Variants in ZNF516 observed in about 807,000 individuals in gnomAD.
The protein encoded by ZNF516 is zinc finger protein 516.
In ZNF516, 19 loss-of-function variants were observed where a neutral mutation model predicts 79.7. The ratio of observed to expected loss-of-function variants is 0.24; its 90% CI spans 0.17 to 0.35. The LOEUF (loss-of-function observed/expected upper bound fraction) is 0.35. ZNF516 is among the 10% of genes least tolerant of loss of function. The pLI is 1.00. For synonymous variants in ZNF516, 877 were observed against 739.5 expected, an observed-to-expected ratio of 1.19 and a Z score of -3.02; for missense variants, 1,678 against 1,679.5, an observed-to-expected ratio of 1.00 and a Z score of 0.02.
At chr18:76,403,503 A>C (rs2075259455) in intron 3 of ZNF516, among the ~76,000 whole-genome samples, 1 of 152,208 alleles carries the variant, frequency 6.6e-6, no homozygotes, top group South Asian at 2.1e-4. Context: ...AGAGAATCGC[A>C]GTGTGGTCTG....
intron 3 of ZNF516, among the ~76,000 whole-genome samples, chr18:76,408,969 A>G (rs1468829766): frequency 2.6e-5 from 4 of 152,228 alleles, no homozygotes; most frequent in African/African-American, 9.6e-5. Flanking sequence ...AAAGATACGA[A>G]AAGTTAAATA....
At chr18:76,449,963 T>G (rs1221200070) in intron 2 of ZNF516, among the ~76,000 whole-genome samples, 1 of 152,204 alleles carries the variant, frequency 6.6e-6, no homozygotes, top group African/African-American at 2.4e-5. Context: ...TCAAACATAT[T>G]GTAGCTCCAG....
At position 76,379,180 on chromosome 18, in the gene ZNF516, G is replaced by C. The variant is rs1398441021; in HGVS notation, c.2934C>G (p.Phe978Leu). 1.2e-5 allele frequency: 20 copies of C among 1,612,820 alleles called. No homozygotes were observed. In the South Asian group the frequency reaches 2.2e-4, roughly 18 times the overall value. The change falls in exon 4 of 7, where the codon TTC (phenylalanine) becomes TTG (leucine). Residue 978 changes from phenylalanine (F) to leucine (L), a missense_variant. Around this residue, in one of 5 missense-constraint regions of ZNF516, gnomAD observed 1,294 missense variants for 1,248.3 expected, o/e 1.04. Transcript: ENST00000443185. ...GAGGTGGACCCTGAGGCTGAGCACT[G>C]AATTTGGCTTTCAGGGAGTCCGGGG... ...HSAPDSLKAKFSAQPQGPPPA... is the reference protein window; with the variant it reads ...HSAPDSLKAKLSAQPQGPPPA...
chr18:76,442,071 G>A lies in ZNF516; in HGVS notation c.984C>T (p.Val328=), dbSNP rs764634434. ...INNVVQEEVI[V]AGLSLYEVCA... ...AGACCTCGTAGAGGCTCAGGCCGGCGACGATCACCTCCTCCTGGACCACGT... is the reference window on the plus strand; with the variant it reads ...AGACCTCGTAGAGGCTCAGGCCGGCAACGATCACCTCCTCCTGGACCACGT... Residue 328 remains valine, a synonymous_variant, in exon 3 of 7, where the codon GTC becomes GTT. Transcript: ENST00000443185. The A allele has an allele frequency of 4.3e-6, 7 of 1,613,996 alleles. No individual in the cohort carries two copies. The highest frequency in any genetic ancestry group is 5.1e-6 in the Non-Finnish European group (6 of 1,179,894).
intron 3 of ZNF516, among the ~76,000 whole-genome samples, chr18:76,392,598 G>C (rs1239109176): frequency 1.4e-5 from 2 of 143,620 alleles, no homozygotes. Flanking sequence ...GGCCGGGTGG[G>C]GGAAGGGCAG....
At chr18:76,391,087 G>A (rs1487241899) in intron 3 of ZNF516, among the ~76,000 whole-genome samples, 3 of 152,152 alleles carry the variant, frequency 2.0e-5, no homozygotes, top group Non-Finnish European at 4.4e-5. Context: ...GGGGACACCA[G>A]GGGTCCACAG....
In ZNF516 at chr18:76,442,291, T is replaced by C; in HGVS notation, c.764A>G (p.Gln255Arg). 1.2e-6 allele frequency: 2 copies of C among 1,612,934 alleles called. No individual in the cohort carries two copies. Residue 255 changes from glutamine to arginine, a missense_variant, in exon 3 of 7, where the codon CAG (glutamine) becomes CGG (arginine). Gln to Arg is a conservative substitution (Grantham distance 43). Around this residue, in one of 5 missense-constraint regions of ZNF516, gnomAD observed 279 missense variants for 254.1 expected, o/e 1.10. Coordinates refer to ENST00000443185, the MANE Select transcript of ZNF516 (RefSeq NM_014643.4). ...CAGGAACCAGGTCTGGCTGAAGGCC[T>C]GGCCACACACCTCGCACGGGAACTC... ...PGEFPCEVCG[Q>R]AFSQTWFLKA...
chr18:76,421,194 G>C (rs2075502021), intron 3 of ZNF516, among the ~76,000 whole-genome samples: 1 of 152,182 alleles, frequency 6.6e-6, no homozygotes, highest in African/African-American at 2.4e-5. Context: ...ATTACACTTA[G>C]GAAGTCATTC....
intron 1 of ZNF516, among the ~76,000 whole-genome samples, chr18:76,471,722 C>A (rs1313052843): frequency 6.6e-6 from 1 of 152,146 alleles, no homozygotes; most frequent in Non-Finnish European, 1.5e-5. Context: ...CGACTTCCCC[C>A]AGGAGCCGGG....
intron 3 of ZNF516, among the ~76,000 whole-genome samples, chr18:76,430,983 T>C (rs1440712238): frequency 6.6e-6 from 1 of 152,230 alleles, no homozygotes; most frequent in Non-Finnish European, 1.5e-5. Context: ...AACTGGAGTC[T>C]TACTTTCTAA....
intron 3 of ZNF516, among the ~76,000 whole-genome samples, chr18:76,410,289 G>A (rs1171118782): frequency 6.6e-6 from 1 of 152,194 alleles, no homozygotes; most frequent in African/African-American, 2.4e-5. Flanking sequence ...TGGCAAAAGT[G>A]AGAGCTTCTT....
At chr18:76,389,602 A>G (rs1247212601) in intron 3 of ZNF516, among the ~76,000 whole-genome samples, 1 of 152,214 alleles carries the variant, frequency 6.6e-6, no homozygotes, top group Non-Finnish European at 1.5e-5. Flanking sequence ...ATTGCTAACT[A>G]GACAGGAGTA....
chr18:76,446,983 TG>T (rs1195328068), intron 2 of ZNF516, among the ~76,000 whole-genome samples: 1 of 152,128 alleles, frequency 6.6e-6, no homozygotes, highest in African/African-American at 2.4e-5. Context: ...GCCCAGGGGT[TG>T]ATTAAGTGAT....
chr18:76,404,672 A>C (rs2075278868), intron 3 of ZNF516, among the ~76,000 whole-genome samples: 1 of 151,160 alleles, frequency 6.6e-6, no homozygotes, highest in South Asian at 2.1e-4. Context: ...GGTGAGCGTG[A>C]GTTTGTGCCT....
chr18:76,405,205 C>T (rs1219602455), intron 3 of ZNF516, among the ~76,000 whole-genome samples: 2 of 152,138 alleles, frequency 1.3e-5, no homozygotes, highest in African/African-American at 4.8e-5. Flanking sequence ...CCAAGGGCCC[C>T]CCGAACTGTG....
intron 3 of ZNF516, among the ~76,000 whole-genome samples, chr18:76,403,864 T>A (rs1032696697): frequency 1.3e-5 from 2 of 152,220 alleles, no homozygotes; most frequent in Non-Finnish European, 2.9e-5. Flanking sequence ...AATGAAATAC[T>A]TATGATTTTT....
chr18:76,377,157 A>C (rs1408517517), intron 4 of ZNF516, among the ~76,000 whole-genome samples: 1 of 152,226 alleles, frequency 6.6e-6, no homozygotes, highest in Non-Finnish European at 1.5e-5. Context: ...CGCGCCTCCC[A>C]CCCACGACAG....
In ZNF516 at chr18:76,441,145, G is replaced by A. The variant is rs531947288; in HGVS notation, c.1810+100C>T. The A allele has an allele frequency of 3.2e-5, 46 of 1,446,940 alleles. 1 individual carries two copies. Among genetic ancestry groups the A allele is most frequent in the Middle Eastern group, 5.1e-4 (2 of 3,944 alleles). The allele number at this position is 1,446,940 out of a possible 1,614,324, so 89.6% of individuals were successfully genotyped here. A position where few individuals can be genotyped will look rare whatever the true frequency, so the allele number is the denominator to read the frequency against. ...CTGAGTAAAGGGCCACCGGGTAAGG[G>A]GCTAATGAGCGAGCCTACTTGAGTA... On this transcript the variant is annotated intron_variant, in intron 3 of 6. Transcript: ENST00000443185.
chr18:76,425,164 C>T (rs1489526663), intron 3 of ZNF516, among the ~76,000 whole-genome samples: 6 of 152,144 alleles, frequency 3.9e-5, no homozygotes, highest in African/African-American at 1.4e-4. Flanking sequence ...AATTATACAC[C>T]CATCTCTCAA....
Sources: allele counts gnomAD v4.1 joint callset (sites outside exome capture counted in the v4.1 genomes callset), GRCh38; gene constraint gnomAD v4.1.1; regional missense constraint gnomAD v4.1.1; transcripts MANE v1.5; gene names NCBI Gene and HGNC (gene_info 2026-07-23, HGNC 2026-07-21).